FBXO11: variants seen among roughly 807,000 people sequenced by gnomAD.
FBXO11 encodes F-box only protein 11.
Under a neutral mutation model 117.0 loss-of-function variants are expected in FBXO11, and 13 were observed. That is an observed-to-expected ratio of 0.11 (90% CI 0.07 to 0.18). The LOEUF is 0.18. Among genes scored for constraint, FBXO11 ranks in the 10% least tolerant of loss-of-function variants. The pLI is 1.00. For missense variants in FBXO11, 767 were observed against 1,164.4 expected (o/e 0.66, Z 4.97); for synonymous variants, 490 against 380.5 (o/e 1.29, Z -3.35).
chr2:47,893,025 C>T (rs1002944610), intron 1 of FBXO11, among the ~76,000 whole-genome samples: 1 of 151,968 alleles, frequency 6.6e-6, no homozygotes, highest in Admixed American at 6.6e-5. Context: ...CATGGTGGCA[C>T]GTGCCTGTAA....
At chr2:47,905,317 G>C (rs1161394592) in intron 1 of FBXO11, 172 bp downstream of exon 1, 2 of 589,714 alleles carry the variant, frequency 3.4e-6, no homozygotes, top group Non-Finnish European at 4.6e-6. Context: ...CCTGCCGGCC[G>C]GGCCCGGCCC....
Position 47,864,958 on chromosome 2 carries a change from C to T in FBXO11, c.233-25189G>A, listed in dbSNP as rs572566859. On this transcript the variant is annotated intron_variant, in intron 1 of 22. Coordinates refer to ENST00000403359, the MANE Select transcript of FBXO11 (RefSeq NM_001190274.2). Reference sequence around the variant, plus strand: ...AACACTTGACAAGACTTTCATTCTACGTGTACAAACAAAACACCTGGGCGC... The same window carrying T: ...AACACTTGACAAGACTTTCATTCTATGTGTACAAACAAAACACCTGGGCGC... 4.6e-5 allele frequency among the ~76,000 whole-genome samples: 7 copies of T among 152,280 alleles called. No individual in the cohort carries two copies. In the East Asian group the frequency reaches 1.3e-3, roughly 29 times the overall value.
chr2:47,905,413 C>CCG, intron 1 of FBXO11, 76 bp downstream of exon 1: 1 of 1,052,958 alleles, frequency 9.5e-7, no homozygotes, highest in Non-Finnish European at 1.2e-6. Context: ...CCCGCCCGCC[C>CCG]GCCCGCCCGC....
At chr2:47,877,107 G>A (rs1047585661) in intron 1 of FBXO11, among the ~76,000 whole-genome samples, 3 of 151,376 alleles carry the variant, frequency 2.0e-5, no homozygotes, top group Non-Finnish European at 4.4e-5. Context: ...GCTCACTGCA[G>A]CCTCAACCTC....
Position 47,809,075 on chromosome 2 carries a change from A to G in FBXO11, c.2555+83T>C, listed in dbSNP as rs544940227. The G allele has an allele frequency of 4.8e-6, 4 of 833,704 alleles. No individual in the cohort carries two copies. The African/African-American group carries it at 5.2e-5, about 11-fold the overall frequency. The allele number at this position is 833,704 out of a possible 1,614,324, so 51.6% of individuals were successfully genotyped here. A position where few individuals can be genotyped will look rare whatever the true frequency, so the allele number is the denominator to read the frequency against. ...TTAGTTATAGTCTCAACACCGGCAA[A>G]TAGCCAAAAATGCTAGGCATTGCTA... On this transcript the variant is annotated intron_variant, in intron 21 of 22. Transcript: ENST00000403359.
intron 1 of FBXO11, among the ~76,000 whole-genome samples, chr2:47,904,579 CAA>C (rs1438187476): frequency 1.3e-5 from 1 of 77,664 alleles, no homozygotes; most frequent in East Asian, 4.4e-4. Flanking sequence ...CGCGCGCGCG[CAA>C]ACACACACAC....
chr2:47,904,655 G>A (rs566916403), intron 1 of FBXO11, among the ~76,000 whole-genome samples: 2 of 151,700 alleles, frequency 1.3e-5, no homozygotes, highest in South Asian at 4.2e-4. Flanking sequence ...TAAGCAAGGG[G>A]CGTTCAAACC....
At position 47,822,227 on chromosome 2, in the gene FBXO11, C is replaced by A. The variant is rs1016048146; in HGVS notation, c.1693G>T (p.Asp565Tyr). 6.3e-7 allele frequency: 1 copy of A among 1,590,518 alleles called. No homozygotes were observed. Among genetic ancestry groups the A allele is most frequent in the Non-Finnish European group, 8.6e-7 (1 of 1,167,084 alleles). ...AAAACCATACGCTTACCATAAATGT[C>A]ATTTCCTTCAATAAGGCCTCGTCCA... is the stretch of plus-strand genomic sequence containing the variant. ...GDGRGLIEGN[D>Y]IYGNALAGIQ... is the part of the protein sequence containing the mutation. Residue 565 changes from aspartate to tyrosine, a missense_variant, in exon 13 of 23, where the codon GAC becomes TAC. Around this residue, in one of 10 missense-constraint regions of FBXO11, gnomAD observed 67 missense variants for 148.8 expected, o/e 0.45. Coordinates refer to ENST00000403359, the MANE Select transcript of FBXO11 (RefSeq NM_001190274.2).
intron 13 of FBXO11, among the ~76,000 whole-genome samples, chr2:47,821,073 A>C (rs1389666287): frequency 6.6e-6 from 1 of 152,234 alleles, no homozygotes; most frequent in Non-Finnish European, 1.5e-5. Context: ...AAACAGAGTG[A>C]AACTATGGAA....
intron 4 of FBXO11, among the ~76,000 whole-genome samples, chr2:47,837,652 T>G (rs1412546087): frequency 1.3e-5 from 2 of 152,240 alleles, no homozygotes; most frequent in Non-Finnish European, 2.9e-5. Context: ...CTATTAACAG[T>G]CTGCCATATT....
intron 1 of FBXO11, among the ~76,000 whole-genome samples, chr2:47,855,415 T>C (rs1251739503): frequency 6.6e-6 from 1 of 151,984 alleles, no homozygotes; most frequent in Non-Finnish European, 1.5e-5. Flanking sequence ...ACTCATTTTA[T>C]CTCCAAGACT....
intron 1 of FBXO11, among the ~76,000 whole-genome samples, chr2:47,862,053 C>T (rs957908279): frequency 1.3e-5 from 2 of 152,048 alleles, no homozygotes. Context: ...GCTGGGATTA[C>T]GGGCGCACGC....
intron 13 of FBXO11, among the ~76,000 whole-genome samples, chr2:47,821,159 A>G (rs979336842): frequency 9.2e-5 from 14 of 152,222 alleles, no homozygotes; most frequent in African/African-American, 3.4e-4. Flanking sequence ...CTGTGAATAC[A>G]TACCACAGAA....
At position 47,808,042 on chromosome 2, in the gene FBXO11, A is replaced by G. The variant is rs756579538; in HGVS notation, c.*76T>C. 13 of 1,340,834 alleles carry G rather than the reference A, an allele frequency of 9.7e-6. No homozygotes were observed. The highest frequency in any genetic ancestry group is 2.3e-5 in the East Asian group (1 of 43,508). 83.1% of individuals were successfully genotyped at this position (1,340,834 alleles called of 1,614,324 possible). A position where few individuals can be genotyped will look rare whatever the true frequency, so the allele number is the denominator to read the frequency against. On this transcript the variant is annotated 3_prime_UTR_variant, in exon 23 of 23. Transcript: ENST00000403359. ...GTCTCTTCCTGTAGCATGGGCAAAT[A>G]TTTTAAATCTTCTTCCAAAAAAGTG...
At chr2:47,898,955 A>T (rs1677885183) in intron 1 of FBXO11, among the ~76,000 whole-genome samples, 1 of 152,164 alleles carries the variant, frequency 6.6e-6, no homozygotes, top group African/African-American at 2.4e-5. Context: ...TATTAAAAAA[A>T]AAAAGTAATA....
At chr2:47,820,565 A>G (rs1671308405) in intron 13 of FBXO11, 109 bp from the exon 14 acceptor site, 1 of 728,652 alleles carries the variant, frequency 1.4e-6, no homozygotes, top group Non-Finnish European at 2.3e-6. Context: ...TTTAGTGACC[A>G]TTACAAGACA....
intron 1 of FBXO11, among the ~76,000 whole-genome samples, chr2:47,904,023 T>C (rs1231262599): frequency 2.0e-5 from 3 of 152,238 alleles, no homozygotes; most frequent in Non-Finnish European, 4.4e-5. Flanking sequence ...AGCAAACTGC[T>C]TTCTCTAAGA....
intron 4 of FBXO11, among the ~76,000 whole-genome samples, chr2:47,836,293 A>C (rs957762311): frequency 3.3e-5 from 5 of 152,188 alleles, no homozygotes; most frequent in African/African-American, 1.2e-4. Flanking sequence ...GCACAGCTAA[A>C]AACAGGATTT....
rs541733700 is a variant in FBXO11 at position 47,864,798 on chromosome 2, G to A, written c.233-25029C>T. Among the ~76,000 whole-genome samples, 33 of 152,284 alleles carry A rather than the reference G, an allele frequency of 2.2e-4. 1 individual carries two copies. The highest frequency in any genetic ancestry group is 7.9e-4 in the African/African-American group (33 of 41,560). The stretch of plus-strand genomic sequence containing the variant: ...TTCACCCACATCAAGTGACAGAATT[G>A]AAAAGAAGCAAAGCCTTGAAATTTA... On this transcript the variant is annotated intron_variant, in intron 1 of 22. Transcript: ENST00000403359.
Sources: gnomAD v4.1 joint callset for allele counts (sites outside exome capture counted in the v4.1 genomes callset) on GRCh38, gnomAD v4.1.1 for gene constraint, gnomAD v4.1.1 regional missense constraint, MANE v1.5 for transcripts, NCBI Gene and HGNC (gene_info 2026-07-23, HGNC 2026-07-21) for gene names.